USP14: variants seen among roughly 807,000 people sequenced by gnomAD.
USP14 encodes the protein ubiquitin carboxyl-terminal hydrolase 14.
A neutral mutation model predicts 76.5 loss-of-function variants in USP14; 38 were observed. The ratio of observed to expected loss-of-function variants is 0.50; its 90% CI spans 0.38 to 0.65. The LOEUF is 0.65. Ranked by LOEUF, USP14 falls within the 30% of genes least tolerant of loss-of-function variation. USP14 has a pLI of 0.00. For missense variants in USP14, 467 were observed against 586.5 expected, an observed-to-expected ratio of 0.80 and a Z score of 2.10; for synonymous variants, 192 against 191.7, an observed-to-expected ratio of 1.00 and a Z score of -0.01.
At chr18:175,149 T>A (rs1465315295) in intron 3 of USP14, among the ~76,000 whole-genome samples, 1 of 152,234 alleles carries the variant, frequency 6.6e-6, no homozygotes, top group Non-Finnish European at 1.5e-5. Context: ...ATTGACTTTG[T>A]ATCCTGTGAC....
Position 213,977 on chromosome 18 carries a change from A to AGAT in USP14, c.*2694_*2696dup, listed in dbSNP as rs1309356488. 1.3e-5 allele frequency: 2 copies of AGAT among 149,412 alleles called. No homozygotes were observed. Among genetic ancestry groups the AGAT allele is most frequent in the African/African-American group, 5.0e-5 (2 of 40,222 alleles). 9.3% of individuals were successfully genotyped at this position (149,412 alleles called of 1,614,324 possible). A position where few individuals can be genotyped will look rare whatever the true frequency, so the allele number is the denominator to read the frequency against. On this transcript the variant is annotated 3_prime_UTR_variant, in exon 16 of 16. Coordinates refer to ENST00000261601, the MANE Select transcript of USP14 (RefSeq NM_005151.4). ...CTGTAATGGACAAGATAGATAGATT[A>AGAT]GATAGATAGATAGATAGATAGATGA...
intron 3 of USP14, among the ~76,000 whole-genome samples, chr18:177,959 A>G (rs1254831391): frequency 6.6e-6 from 1 of 152,204 alleles, no homozygotes; most frequent in Non-Finnish European, 1.5e-5. Flanking sequence ...AATGTAAACA[A>G]TCACTACAGT....
intron 6 of USP14, 42 bp from the exon 7 acceptor site, chr18:196,595 A>G (rs1910243560): frequency 6.3e-7 from 1 of 1,581,900 alleles, no homozygotes; most frequent in Non-Finnish European, 8.6e-7. Context: ...TGTATTAAAT[A>G]TGTGACTGTT....
intron 10 of USP14, among the ~76,000 whole-genome samples, chr18:199,852 G>C (rs761572728): frequency 6.6e-6 from 1 of 152,180 alleles, no homozygotes; most frequent in Non-Finnish European, 1.5e-5. Context: ...ATCTAATCCT[G>C]TATTTCCCCT....
chr18:184,825 A>AAGTGT (rs1909884841), intron 5 of USP14, among the ~76,000 whole-genome samples: 1 of 152,070 alleles, frequency 6.6e-6, no homozygotes, highest in African/African-American at 2.4e-5. Context: ...GGTAGAAGGA[A>AAGTGT]AGTGTGTTCA....
Position 170,627 on chromosome 18 carries a change from A to G in USP14, c.195+3808A>G, listed in dbSNP as rs147647694. Reference sequence around the variant, plus strand: ...TGGAGTAAGTTTAAGTGGTGTGGATAGAAGATCAAACTAGCCACAACATTT... The same window carrying G: ...TGGAGTAAGTTTAAGTGGTGTGGATGGAAGATCAAACTAGCCACAACATTT... On this transcript the variant is annotated intron_variant, in intron 3 of 15. Coordinates refer to ENST00000261601, the MANE Select transcript of USP14 (RefSeq NM_005151.4). Among the ~76,000 whole-genome samples, 800 of 152,348 alleles carry G rather than the reference A, an allele frequency of 5.3e-3. 2 individuals carry two copies. The highest frequency in any genetic ancestry group is 8.9e-3 in the Non-Finnish European group (608 of 68,028).
intron 3 of USP14, among the ~76,000 whole-genome samples, chr18:168,994 A>G (rs7241427): frequency 0.62 from 93,395 of 151,666 alleles, 28,941 homozygotes; most frequent in South Asian, 0.7. Context: ...GGAGAATGGC[A>G]TGAGCCTGGG....
At chr18:208,376 TTG>T (rs375312486) in intron 13 of USP14, among the ~76,000 whole-genome samples, 9 of 152,246 alleles carry the variant, frequency 5.9e-5, no homozygotes, top group African/African-American at 2.2e-4. Flanking sequence ...TATTAGTAAT[TTG>T]TGTTTGTCCC....
chr18:158,972 ACT>A (rs944133058), intron 1 of USP14: 2 of 419,358 alleles, frequency 4.8e-6, no homozygotes, highest in African/African-American at 2.1e-5. Context: ...CAAAGTCGTG[ACT>A]CTGCAGAATA....
chr18:184,026 G>C (rs1598271498), intron 5 of USP14, among the ~76,000 whole-genome samples: 1 of 152,158 alleles, frequency 6.6e-6, no homozygotes, highest in African/African-American at 2.4e-5. Context: ...GTTCCTGAGA[G>C]AGTGCTCTTT....
At chr18:165,484 G>A (rs1203525011) in intron 2 of USP14, among the ~76,000 whole-genome samples, 4 of 152,112 alleles carry the variant, frequency 2.6e-5, no homozygotes, top group South Asian at 4.1e-4. Context: ...GTATGCTGTC[G>A]AGAATTATAG....
Position 202,900 on chromosome 18 carries a change from CA to C in USP14, c.900del (p.Lys300AsnfsTer25). ...LKLRLQEEIT[K>X]QSPTLQRNAL... ...CTTAGCGACTTCAGGAAGAAATCAC[CA>C]AACAGTCTCCAACGTTGCAAAGAAA... On this transcript the variant is annotated frameshift_variant, in exon 11 of 16. Coordinates refer to ENST00000261601, the MANE Select transcript of USP14 (RefSeq NM_005151.4). LOFTEE classifies it high-confidence loss of function. The C allele has an allele frequency of 6.2e-7, 1 of 1,614,040 alleles. No homozygotes were observed. The highest frequency in any genetic ancestry group is 1.3e-5 in the African/African-American group (1 of 75,052).
chr18:175,188 A>G (rs1339404593), intron 3 of USP14, among the ~76,000 whole-genome samples: 1 of 152,178 alleles, frequency 6.6e-6, no homozygotes, highest in Non-Finnish European at 1.5e-5. Context: ...TTCTTAGGAT[A>G]TTGTTAGGTA....
Position 203,123 on chromosome 18 carries a change from A to G in USP14, c.968A>G (p.Tyr323Cys). ...KSSKISRLPAYLTIQMVRFFY... is the reference protein window; with the variant it reads ...KSSKISRLPACLTIQMVRFFY... ...TCCAAGATCAGCCGGCTGCCTGCTT[A>G]CTTGACCATTCAGATGGTTCGATTT... Residue 323 changes from tyrosine to cysteine, a missense_variant, in exon 12 of 16, where the codon TAC becomes TGC. Tyr to Cys is a radical substitution (Grantham distance 194, BLOSUM62 -2). Coordinates refer to ENST00000261601, the MANE Select transcript of USP14 (RefSeq NM_005151.4). The G allele has an allele frequency of 6.2e-7, 1 of 1,614,140 alleles. No individual in the cohort carries two copies. The highest frequency in any genetic ancestry group is 8.5e-7 in the Non-Finnish European group (1 of 1,180,010).
intron 3 of USP14, among the ~76,000 whole-genome samples, chr18:177,155 G>C (rs1190503382): frequency 6.6e-6 from 1 of 151,714 alleles, no homozygotes; most frequent in African/African-American, 2.4e-5. Flanking sequence ...CATTTTTCTT[G>C]TTATGCTTAT....
At chr18:171,315 C>G (rs1051166716) in intron 3 of USP14, among the ~76,000 whole-genome samples, 1 of 151,960 alleles carries the variant, frequency 6.6e-6, no homozygotes, top group African/African-American at 2.4e-5. Flanking sequence ...GGTTCAAAGG[C>G]CAGACTGACT....
In USP14 at chr18:175,076, GTGT is replaced by G. The variant is rs1210080168; in HGVS notation, c.196-3855_196-3853del. ...GCGTGAGCCACTGCACCCAGCTGTG[GTGT>G]TTTTGAAATGTCATTTTCCAATTGC... On this transcript the variant is annotated intron_variant, in intron 3 of 15. Transcript: ENST00000261601. Among the ~76,000 whole-genome samples the G allele has an allele frequency of 2.0e-5, 3 of 152,140 alleles. No homozygotes were observed. In the East Asian group the frequency reaches 5.8e-4, roughly 29 times the overall value.
Position 213,237 on chromosome 18 carries a change from T to G in USP14, c.*1953T>G, listed in dbSNP as rs1468499600. 6.6e-6 allele frequency: 1 copy of G among 152,230 alleles called. No homozygotes were observed. Among genetic ancestry groups the G allele is most frequent in the Non-Finnish European group, 1.5e-5 (1 of 68,044 alleles). The allele number at this position is 152,230 out of a possible 1,614,324, so 9.4% of individuals were successfully genotyped here. A position where few individuals can be genotyped will look rare whatever the true frequency, so the allele number is the denominator to read the frequency against. ...ACAATTAGAATTTAGATTTTCTGAC[T>G]GTAGCTACTAAATGTTGTAGCTACT... On this transcript the variant is annotated 3_prime_UTR_variant, in exon 16 of 16. Transcript: ENST00000261601.
intron 3 of USP14, among the ~76,000 whole-genome samples, chr18:174,745 T>C (rs1443263113): frequency 6.6e-6 from 1 of 151,972 alleles, no homozygotes; most frequent in Non-Finnish European, 1.5e-5. Context: ...GTTGGGACTA[T>C]AGGCATGCAC....
Sources: gnomAD v4.1 joint callset for allele counts (sites outside exome capture counted in the v4.1 genomes callset) on GRCh38, gnomAD v4.1.1 for gene constraint, MANE v1.5 for transcripts, NCBI Gene and HGNC (gene_info 2026-07-23, HGNC 2026-07-21) for gene names.